ANGPT2: variants seen among roughly 807,000 people sequenced by gnomAD.
The protein encoded by ANGPT2 is angiopoietin 2, also known as angiopoietin-2.
Under a neutral mutation model 62.9 loss-of-function variants are expected in ANGPT2, and 28 were observed. That is an observed-to-expected ratio of 0.44 (90% confidence interval 0.33 to 0.61). ANGPT2 has a LOEUF of 0.61. Among genes scored for constraint, ANGPT2 ranks in the 20% least tolerant of loss-of-function variants. ANGPT2 has a pLI of 0.03. For missense variants in ANGPT2, 727 were observed against 594.9 expected, an observed-to-expected ratio of 1.22 and a Z score of -2.31; for synonymous variants, 284 against 207.8, an observed-to-expected ratio of 1.37 and a Z score of -3.15.
intron 1 of ANGPT2, among the ~76,000 whole-genome samples, chr8:6,534,177 C>T (rs1274982823): frequency 2.0e-5 from 3 of 151,806 alleles, no homozygotes; most frequent in Admixed American, 6.6e-5. Flanking sequence ...TCCACATCTA[C>T]GGGTTCAACC....
intron 5 of ANGPT2, among the ~76,000 whole-genome samples, chr8:6,518,621 T>C (rs537737678): frequency 3.5e-4 from 53 of 152,322 alleles, no homozygotes; most frequent in African/African-American, 1.3e-3. Context: ...AAAGTGTTTT[T>C]CTTTGATACT....
In ANGPT2 at chr8:6,513,799, CAA is replaced by C; in HGVS notation, c.1073_1074del (p.Phe358CysfsTer6). ...CGTTGCTGATTAGTCAGTTGCGAAA[CAA>C]ACTCATTTCCCAGCCAATATTCTCC... ...PSGEYWLGNE[F>X]VSQLTNQQRY... is the part of the protein sequence containing the mutation. On this transcript the variant is annotated frameshift_variant, in exon 7 of 9. Coordinates refer to ENST00000629816, the MANE Select transcript of ANGPT2 (RefSeq NM_001118887.2). LOFTEE classifies it high-confidence loss of function. 6.2e-7 allele frequency: 1 copy of C among 1,613,892 alleles called. No homozygotes were observed.
chr8:6,538,544 G>A lies in ANGPT2; in HGVS notation c.289-6057C>T, dbSNP rs149964944. On this transcript the variant is annotated intron_variant, in intron 1 of 8. Transcript: ENST00000629816. ...GATCTTGTGGGCCTCAGACCTGGGC[G>A]CGCACTGTCCTTGGCTGTCCCAGCT... Among the ~76,000 whole-genome samples the A allele has an allele frequency of 7.6e-4, 115 of 152,220 alleles. 1 individual carries two copies. The highest frequency in any genetic ancestry group is 2.5e-3 in the African/African-American group (105 of 41,534).
chr8:6,533,795 G>A (rs1819989583), intron 1 of ANGPT2, among the ~76,000 whole-genome samples: 1 of 152,100 alleles, frequency 6.6e-6, no homozygotes, highest in African/African-American at 2.4e-5. Context: ...CATTCGTGGA[G>A]TCAGTCATCA....
intron 1 of ANGPT2, among the ~76,000 whole-genome samples, chr8:6,557,971 C>A (rs73507189): frequency 0.043 from 6,529 of 152,222 alleles, 373 homozygotes; most frequent in African/African-American, 0.13. Flanking sequence ...CGTCCTCCCC[C>A]TCTTCCTCAT....
intron 1 of ANGPT2, among the ~76,000 whole-genome samples, chr8:6,549,160 A>G (rs527601710): frequency 1.3e-5 from 2 of 152,220 alleles, no homozygotes; most frequent in African/African-American, 4.8e-5. Flanking sequence ...AAAATGATAC[A>G]TGGGTTTGTA....
chr8:6,518,144 G>C (rs1435026863), intron 5 of ANGPT2, among the ~76,000 whole-genome samples: 1 of 152,162 alleles, frequency 6.6e-6, no homozygotes, highest in Non-Finnish European at 1.5e-5. Context: ...AAACATAGAT[G>C]AAACAATGTG....
intron 5 of ANGPT2, 31 bp from the exon 6 acceptor site, chr8:6,514,809 A>G (rs377009719): frequency 6.3e-7 from 1 of 1,593,552 alleles, no homozygotes; most frequent in Non-Finnish European, 8.6e-7. Context: ...TATAAGTGAC[A>G]GAGCCCCCCC....
At chr8:6,533,168 A>G (rs1014994313) in intron 1 of ANGPT2, among the ~76,000 whole-genome samples, 4 of 152,242 alleles carry the variant, frequency 2.6e-5, no homozygotes, top group Non-Finnish European at 5.9e-5. Context: ...TGGTCCATTT[A>G]TCACCTAACG....
Position 6,546,883 on chromosome 8 carries a change from C to T in ANGPT2, c.289-14396G>A, listed in dbSNP as rs116428994. 4.5e-3 allele frequency among the ~76,000 whole-genome samples: 687 copies of T among 152,290 alleles called. 7 individuals carry two copies. The highest frequency in any genetic ancestry group is 0.015 in the African/African-American group (630 of 41,552). On this transcript the variant is annotated intron_variant, in intron 1 of 8. Transcript: ENST00000629816. ...GAACTAATAAATTGTGTAAGACCTT[C>T]ATTAAGATGTACCCTTCCGTGTTTT...
At chr8:6,505,239 A>AATAT (rs3990064) in intron 8 of ANGPT2, among the ~76,000 whole-genome samples, 43,660 of 60,718 alleles carry the variant, frequency 0.72, 16,656 homozygotes, top group East Asian at 0.87. Flanking sequence ...GTATATATAG[A>AATAT]ATATATATTC....
Position 6,513,892 on chromosome 8 carries a change from T to G in ANGPT2, c.1030-48A>C, listed in dbSNP as rs750864052. The G allele has an allele frequency of 6.5e-6, 10 of 1,543,452 alleles. No homozygotes were observed. In the South Asian group the frequency reaches 1.0e-4, roughly 15 times the overall value. On this transcript the variant is annotated intron_variant, in intron 6 of 8. Coordinates refer to ENST00000629816, the MANE Select transcript of ANGPT2 (RefSeq NM_001118887.2). ...CAATTATTTCATGTAATTTTTTCTT[T>G]GTATATTTGAAGTGGATAGTCCGTC...
intron 1 of ANGPT2, among the ~76,000 whole-genome samples, chr8:6,540,440 C>G (rs1821334817): frequency 1.3e-5 from 2 of 152,184 alleles, no homozygotes; most frequent in Non-Finnish European, 2.9e-5. Context: ...AAAGGTGTCA[C>G]ATTTTACACG....
rs1241014768 is a variant in ANGPT2 at position 6,503,187 on chromosome 8, A to G, written c.1402T>C (p.Phe468Leu). 2 of 1,614,146 alleles carry G rather than the reference A, an allele frequency of 1.2e-6. No individual in the cohort carries two copies. The highest frequency in any genetic ancestry group is 1.7e-6 in the Non-Finnish European group (2 of 1,180,032). Reference sequence around the variant, plus strand: ...CAGTAGTACCATTTAATGCCGTTGAACTTATTTGTGTTCTGCCTCTGTGGA... The same window carrying G: ...CAGTAGTACCATTTAATGCCGTTGAGCTTATTTGTGTTCTGCCTCTGTGGA... ...YYPQRQNTNK[F>L]NGIKWYYWKG... Residue 468 changes from phenylalanine to leucine, a missense_variant, in exon 9 of 9, where the codon TTC (phenylalanine) becomes CTC (leucine). Phe to Leu is a conservative substitution (Grantham distance 22, BLOSUM62 0). Coordinates refer to ENST00000629816, the MANE Select transcript of ANGPT2 (RefSeq NM_001118887.2).
At chr8:6,526,918 TTTTA>T (rs1360953459) in intron 3 of ANGPT2, among the ~76,000 whole-genome samples, 1 of 152,152 alleles carries the variant, frequency 6.6e-6, no homozygotes, top group Admixed American at 6.5e-5. Context: ...TTTTTCTATA[TTTTA>T]TTTAAATATT....
chr8:6,524,946 C>T (rs1204843815), intron 3 of ANGPT2, among the ~76,000 whole-genome samples: 1 of 152,216 alleles, frequency 6.6e-6, no homozygotes, highest in Non-Finnish European at 1.5e-5. Context: ...GTCACAAGGG[C>T]AGACACCCTG....
At chr8:6,554,638 A>G (rs1009644786) in intron 1 of ANGPT2, among the ~76,000 whole-genome samples, 1 of 152,210 alleles carries the variant, frequency 6.6e-6, no homozygotes, top group Non-Finnish European at 1.5e-5. Flanking sequence ...TTGTGGTGGT[A>G]AGTTGTCAGG....
At chr8:6,507,321 A>G (rs1813949479) in intron 8 of ANGPT2, among the ~76,000 whole-genome samples, 1 of 152,232 alleles carries the variant, frequency 6.6e-6, no homozygotes, top group African/African-American at 2.4e-5. Flanking sequence ...TGGGTGGGTA[A>G]CATATTAATT....
chr8:6,562,920 A>T lies in ANGPT2; in HGVS notation c.15T>A (p.Val5=), dbSNP rs1434928993. The T allele has an allele frequency of 5.7e-6, 9 of 1,590,204 alleles. No homozygotes were observed. Among genetic ancestry groups the T allele is most frequent in the Non-Finnish European group, 7.8e-6 (9 of 1,161,050 alleles). The change falls in exon 1 of 9, where the codon GTT becomes GTA. Residue 5 remains valine (V), a synonymous_variant. Transcript: ENST00000629816. The part of the protein sequence containing the change: MWQI[V]FFTLSCDLVL... ...CAAGATCACAGCTCAGAGTAAAGAA[A>T]ACAATCTGCCACATTCTTTCTTCAG...
Sources: allele counts gnomAD v4.1 joint callset (sites outside exome capture counted in the v4.1 genomes callset), GRCh38; gene constraint gnomAD v4.1.1; transcripts MANE v1.5; gene names NCBI Gene and HGNC (gene_info 2026-07-23, HGNC 2026-07-21).